FUBP3: variants seen among roughly 807,000 people sequenced by gnomAD.
FUBP3 encodes far upstream element-binding protein 3.
FUBP3 carries 28 observed loss-of-function variants against 85.6 expected under a neutral mutation model. That is an observed-to-expected ratio of 0.33 (90% CI 0.24 to 0.45). The LOEUF (loss-of-function observed/expected upper bound fraction) is 0.45. Among genes scored for constraint, FUBP3 ranks in the 20% least tolerant of loss-of-function variants. FUBP3 has a pLI of 1.00. For missense variants in FUBP3, 583 were observed against 755.1 expected (o/e 0.77, Z 2.67); for synonymous variants, 271 against 271.4 (o/e 1.00, Z 0.01).
intron 8 of FUBP3, 41 bp downstream of exon 8, chr9:130,617,936 G>A: frequency 1.1e-6 from 1 of 931,938 alleles, no homozygotes; most frequent in Non-Finnish European, 1.7e-6. Flanking sequence ...TGGCTGTTGG[G>A]GCTATCACTC....
intron 12 of FUBP3, 91 bp downstream of exon 12, chr9:130,626,596 C>A: frequency 7.5e-7 from 1 of 1,340,944 alleles, no homozygotes; most frequent in Non-Finnish European, 1.0e-6. Context: ...TGGTGAGGTC[C>A]CTTTGCTGCT....
chr9:130,632,632 C>A (rs1461700689), intron 16 of FUBP3, among the ~76,000 whole-genome samples: 1 of 152,246 alleles, frequency 6.6e-6, no homozygotes, highest in Non-Finnish European at 1.5e-5. Flanking sequence ...TTCTCCACCC[C>A]TTGAGGGGCT....
chr9:130,612,858 G>A lies in FUBP3; in HGVS notation c.275-98G>A, dbSNP rs1831817183. 4.7e-6 allele frequency: 4 copies of A among 852,082 alleles called. No individual in the cohort carries two copies. In the Admixed American group the frequency reaches 5.6e-5, roughly 12 times the overall value. 52.8% of individuals were successfully genotyped at this position (852,082 alleles called of 1,614,324 possible). On this transcript the variant is annotated intron_variant, in intron 4 of 18. Coordinates refer to ENST00000319725, the MANE Select transcript of FUBP3 (RefSeq NM_003934.2). The surrounding 1 kb of genome is among the most constrained non-coding windows in gnomAD (Gnocchi z 4.1). ...GGGCCAACTCGATGTGTAGTATTGT[G>A]AGCCAAGTGTCACAGTTTGTGGAAT...
intron 2 of FUBP3, among the ~76,000 whole-genome samples, chr9:130,607,619 A>C (rs548663500): frequency 1.3e-5 from 2 of 152,244 alleles, no homozygotes; most frequent in African/African-American, 4.8e-5. Flanking sequence ...GCGAAGACTG[A>C]GGAGAGGTTC....
rs1832028661 is a variant in FUBP3, at chr9:130,616,747, C to T, written c.567+230C>T. ...AGGGCAGGTGTGCCCTATCAGGGGCCCCAGTGAACTTTGAGCAGCCTTTTT... is the reference window on the plus strand; with the variant it reads ...AGGGCAGGTGTGCCCTATCAGGGGCTCCAGTGAACTTTGAGCAGCCTTTTT... On this transcript the variant is annotated intron_variant, in intron 7 of 18. Transcript: ENST00000319725. This position sits in a 1 kb window ranked among gnomAD's most constrained non-coding sequence, Gnocchi z 4.7. Among the ~76,000 whole-genome samples, 1 of 152,186 alleles carries T rather than the reference C, an allele frequency of 6.6e-6. No homozygotes were observed. Among genetic ancestry groups the T allele is most frequent in the African/African-American group, 2.4e-5 (1 of 41,434 alleles).
chr9:130,626,454 G>A lies in FUBP3; in HGVS notation c.1066G>A (p.Glu356Lys). ...WSVGAPGGVQEITYTVPADKC... is the reference protein window; with the variant it reads ...WSVGAPGGVQKITYTVPADKC... ...CGTGGGAGCCCCTGGTGGCGTCCAG[G>A]AGATAACATACACGGTGCCAGCCGA... Residue 356 changes from glutamate (E) to lysine (K), a missense_variant, in exon 12 of 19, where the codon GAG becomes AAG. By Grantham distance (56) the Glu-to-Lys change is moderately conservative (BLOSUM62 1). Around this residue, in one of 3 missense-constraint regions of FUBP3, gnomAD observed 404 missense variants for 516.8 expected, o/e 0.78. Transcript: ENST00000319725. The A allele has an allele frequency of 1.2e-6, 2 of 1,614,194 alleles. No homozygotes were observed. The highest frequency in any genetic ancestry group is 1.1e-5 in the South Asian group (1 of 91,070).
chr9:130,589,224 G>A (rs1332673344), intron 1 of FUBP3, among the ~76,000 whole-genome samples: 2 of 151,952 alleles, frequency 1.3e-5, no homozygotes, highest in Non-Finnish European at 2.9e-5. Flanking sequence ...AATGTGTACT[G>A]GGAATAATTA....
chr9:130,590,492 C>T (rs1830577743), intron 1 of FUBP3, among the ~76,000 whole-genome samples: 1 of 152,196 alleles, frequency 6.6e-6, no homozygotes, highest in African/African-American at 2.4e-5. Context: ...CATTTGCCTC[C>T]CCCTGAAAAG....
In FUBP3 at chr9:130,626,477, C is replaced by A; in HGVS notation, c.1089C>A (p.Ala363=). The A allele has an allele frequency of 6.2e-7, 1 of 1,614,114 alleles. No individual in the cohort carries two copies. Among genetic ancestry groups the A allele is most frequent in the Non-Finnish European group, 8.5e-7 (1 of 1,180,010 alleles). Residue 363 remains alanine (A), a synonymous_variant, in exon 12 of 19, where the codon GCC becomes GCA. Transcript: ENST00000319725. Reference sequence around the variant, plus strand: ...AGGAGATAACATACACGGTGCCAGCCGATAAGTGTGGCCTCGTCATAGGCA... The same window carrying A: ...AGGAGATAACATACACGGTGCCAGCAGATAAGTGTGGCCTCGTCATAGGCA... ...GVQEITYTVP[A]DKCGLVIGKG...
At chr9:130,580,487 C>G (rs1159210076) in intron 1 of FUBP3, among the ~76,000 whole-genome samples, 1 of 152,202 alleles carries the variant, frequency 6.6e-6, no homozygotes, top group Non-Finnish European at 1.5e-5. Flanking sequence ...TGGCATGGTA[C>G]TTAGAACAGA....
intron 1 of FUBP3, among the ~76,000 whole-genome samples, chr9:130,591,927 C>A (rs923250277): frequency 1.3e-5 from 2 of 152,132 alleles, no homozygotes; most frequent in African/African-American, 4.8e-5. Context: ...TACAGTTTAG[C>A]TACTTTAGAA....
chr9:130,597,517 G>T (rs775194204), intron 2 of FUBP3, among the ~76,000 whole-genome samples: 2 of 152,082 alleles, frequency 1.3e-5, no homozygotes, highest in Admixed American at 6.6e-5. Context: ...TTTTCATCAC[G>T]CCATCAGCAA....
At chr9:130,634,184 C>G (rs1588170492) in intron 16 of FUBP3, among the ~76,000 whole-genome samples, 1 of 152,226 alleles carries the variant, frequency 6.6e-6, no homozygotes, top group Admixed American at 6.5e-5. Context: ...CACCCCCTTT[C>G]CCTCTGCCCT....
At chr9:130,584,824 G>A (rs188811496) in intron 1 of FUBP3, among the ~76,000 whole-genome samples, 7 of 151,942 alleles carry the variant, frequency 4.6e-5, no homozygotes, top group Admixed American at 4.6e-4. Context: ...AGCCGGGATG[G>A]TGCCACTGCA....
Position 130,632,248 on chromosome 9 carries a change from G to C in FUBP3, c.1480G>C (p.Ala494Pro). Residue 494 changes from alanine (A) to proline (P), a missense_variant, in exon 16 of 19, where the codon GCG (alanine) becomes CCG (proline). By Grantham distance (27) the Ala-to-Pro change is conservative. Coordinates refer to ENST00000319725, the MANE Select transcript of FUBP3 (RefSeq NM_003934.2). Reference sequence around the variant, plus strand: ...CCAGGGCTGGGGCAGCACCTACCAGGCGTGGCAGCAGCCCACACAGCAGGT... The same window carrying C: ...CCAGGGCTGGGGCAGCACCTACCAGCCGTGGCAGCAGCCCACACAGCAGGT... ...LTQGWGSTYQ[A>P]WQQPTQQVPS... 1.2e-6 allele frequency: 2 copies of C among 1,613,990 alleles called. No individual in the cohort carries two copies. The highest frequency in any genetic ancestry group is 1.7e-6 in the Non-Finnish European group (2 of 1,179,964).
intron 1 of FUBP3, among the ~76,000 whole-genome samples, chr9:130,592,852 T>C (rs1830694230): frequency 6.6e-6 from 1 of 152,118 alleles, no homozygotes; most frequent in South Asian, 2.1e-4. Context: ...GGCTGGGGTG[T>C]TTTAGAAGCA....
intron 2 of FUBP3, among the ~76,000 whole-genome samples, chr9:130,605,084 G>T (rs1396127566): frequency 6.6e-6 from 1 of 152,124 alleles, no homozygotes; most frequent in African/African-American, 2.4e-5. Flanking sequence ...AAAGCTGGTT[G>T]TGACCCCCTA....
chr9:130,635,272 G>A lies in FUBP3; in HGVS notation c.1582+534G>A, dbSNP rs1387285769. ...ATGAAACCAGCCTTCAGAGCAGGGC[G>A]AGGGACCCAACAAGCAAAAGGTCTC... On this transcript the variant is annotated intron_variant, in intron 17 of 18. Transcript: ENST00000319725. The surrounding 1 kb of genome is among the most constrained non-coding windows in gnomAD (Gnocchi z 4.3). 6.6e-6 allele frequency among the ~76,000 whole-genome samples: 1 copy of A among 152,172 alleles called. No homozygotes were observed. The highest frequency in any genetic ancestry group is 1.9e-4 in the East Asian group (1 of 5,200).
chr9:130,614,063 C>CA (rs1458519349), intron 5 of FUBP3, among the ~76,000 whole-genome samples: 3 of 152,256 alleles, frequency 2.0e-5, no homozygotes, highest in Non-Finnish European at 4.4e-5. Context: ...AGACCTCTGT[C>CA]ACGTCCTTCT....
Sources: allele counts gnomAD v4.1 joint callset (sites outside exome capture counted in the v4.1 genomes callset), GRCh38; gene constraint gnomAD v4.1.1; regional missense constraint gnomAD v4.1.1; non-coding constraint Gnocchi (gnomAD v3.1); transcripts MANE v1.5; gene names NCBI Gene and HGNC (gene_info 2026-07-23, HGNC 2026-07-21).